RIMS2: variants seen among roughly 807,000 people sequenced by gnomAD.
RIMS2 encodes regulating synaptic membrane exocytosis 2.
Under a neutral mutation model 174.4 loss-of-function variants are expected in RIMS2, and 59 were observed. That is an observed-to-expected ratio of 0.34 (90% CI 0.27 to 0.42). The LOEUF is 0.42. Ranked by LOEUF, RIMS2 falls within the 10% of genes least tolerant of loss-of-function variation. RIMS2 has a pLI of 1.00. For synonymous variants in RIMS2, 606 were observed against 572.5 expected (o/e 1.06, Z -0.84); for missense variants, 1,620 against 1,666.3 (o/e 0.97, Z 0.48).
chr8:104,248,479 C>T (rs972564815), intron 20 of RIMS2, among the ~76,000 whole-genome samples: 4 of 152,152 alleles, frequency 2.6e-5, no homozygotes, highest in Admixed American at 1.3e-4. Flanking sequence ...CCAGCAGAAG[C>T]CTGCAGTGCA....
chr8:103,832,411 G>T (rs2098831352), intron 3 of RIMS2, among the ~76,000 whole-genome samples: 1 of 152,068 alleles, frequency 6.6e-6, no homozygotes, highest in Non-Finnish European at 1.5e-5. Context: ...GTTCAGGGGT[G>T]CATGTGCAGA....
intron 19 of RIMS2, among the ~76,000 whole-genome samples, chr8:104,085,810 A>C (rs2097527483): frequency 1.3e-5 from 2 of 152,136 alleles, no homozygotes; most frequent in Non-Finnish European, 2.9e-5. Context: ...AGGGAACATA[A>C]GAGGTACAAG....
intron 3 of RIMS2, among the ~76,000 whole-genome samples, chr8:103,787,760 C>T (rs1301976733): frequency 6.6e-6 from 1 of 152,146 alleles, no homozygotes; most frequent in Non-Finnish European, 1.5e-5. Context: ...TGGAGTTGCT[C>T]TTCTCAAGGA....
intron 3 of RIMS2, among the ~76,000 whole-genome samples, chr8:103,785,669 A>T (rs7461766): frequency 0.39 from 58,675 of 151,614 alleles, 11,758 homozygotes; most frequent in African/African-American, 0.44. Context: ...GGATTCGTTT[A>T]GCCAGTATTT....
chr8:103,968,932 G>C (rs2092507633), intron 15 of RIMS2, among the ~76,000 whole-genome samples: 1 of 151,962 alleles, frequency 6.6e-6, no homozygotes, highest in African/African-American at 2.4e-5. Context: ...GTTTGTCTGT[G>C]AAAGTCTTTC....
intron 1 of RIMS2, among the ~76,000 whole-genome samples, chr8:103,647,712 A>G (rs1348065247): frequency 6.6e-6 from 1 of 151,828 alleles, no homozygotes; most frequent in Non-Finnish European, 1.5e-5. Context: ...ATGTGCATAG[A>G]GGTGTTTATA....
At chr8:104,062,424 A>T (rs1405600976) in intron 19 of RIMS2, among the ~76,000 whole-genome samples, 5 of 152,212 alleles carry the variant, frequency 3.3e-5, no homozygotes, top group Non-Finnish European at 7.3e-5. Flanking sequence ...TTTTAAAAAA[A>T]TTCATTAAAA....
intron 14 of RIMS2, among the ~76,000 whole-genome samples, chr8:103,959,684 A>G (rs1291089535): frequency 6.6e-6 from 1 of 151,982 alleles, no homozygotes; most frequent in Non-Finnish European, 1.5e-5. Flanking sequence ...TCAGCTTCCC[A>G]GAGTGCTAGG....
intron 1 of RIMS2, among the ~76,000 whole-genome samples, chr8:103,545,661 G>A (rs1383543118): frequency 6.6e-6 from 1 of 152,290 alleles, no homozygotes; most frequent in East Asian, 1.9e-4. Flanking sequence ...AACTCCATCA[G>A]GCTAACAGTG....
intron 3 of RIMS2, chr8:103,819,322 G>C (rs2098736911): frequency 1.4e-6 from 2 of 1,433,094 alleles, no homozygotes; most frequent in African/African-American, 2.9e-5. Flanking sequence ...TTCTACGACT[G>C]AATTAGAAGA....
At chr8:104,029,068 T>C (rs10095456) in intron 19 of RIMS2, among the ~76,000 whole-genome samples, 6,866 of 152,200 alleles carry the variant, frequency 0.045, 458 homozygotes, top group African/African-American at 0.15. Context: ...TTTTAGACCA[T>C]ATAGGGTAAC....
intron 1 of RIMS2, among the ~76,000 whole-genome samples, chr8:103,604,521 T>G (rs1377169148): frequency 6.6e-6 from 1 of 151,954 alleles, no homozygotes; most frequent in Non-Finnish European, 1.5e-5. Flanking sequence ...AGTAGTTTTT[T>G]CCAATTCTGT....
At chr8:103,568,816 G>T in intron 1 of RIMS2, 1 of 1,129,426 alleles carries the variant, frequency 8.9e-7, no homozygotes, top group Non-Finnish European at 1.3e-6. Context: ...GCTATAAGAA[G>T]CTGAGCATAT....
intron 1 of RIMS2, among the ~76,000 whole-genome samples, chr8:103,517,266 A>T (rs975955755): frequency 6.6e-6 from 1 of 152,206 alleles, no homozygotes; most frequent in Non-Finnish European, 1.5e-5. Context: ...GCCTTGCAGG[A>T]AAAAGTATGT....
At chr8:103,688,866 C>A (rs921871055) in intron 1 of RIMS2, among the ~76,000 whole-genome samples, 1 of 149,960 alleles carries the variant, frequency 6.7e-6, no homozygotes. Flanking sequence ...TCTGCTGATA[C>A]GTATTGTTTC....
At chr8:104,179,954 C>G (rs2098930501) in intron 19 of RIMS2, among the ~76,000 whole-genome samples, 1 of 151,678 alleles carries the variant, frequency 6.6e-6, no homozygotes, top group Non-Finnish European at 1.5e-5. Context: ...CAGTATGTAC[C>G]CTCCACATGT....
chr8:103,963,081 T>G (rs1308242335), intron 15 of RIMS2, among the ~76,000 whole-genome samples: 7 of 152,150 alleles, frequency 4.6e-5, no homozygotes, highest in Non-Finnish European at 7.4e-5. Flanking sequence ...TTCCTTACAT[T>G]TCCTCTTTAT....
At chr8:103,609,600 TATTA>T (rs1241388202) in intron 1 of RIMS2, among the ~76,000 whole-genome samples, 4 of 152,208 alleles carry the variant, frequency 2.6e-5, no homozygotes, top group African/African-American at 9.6e-5. Context: ...CAGCACTCTT[TATTA>T]ATTAGGAAGT....
chr8:103,696,563 A>C (rs977095902), intron 1 of RIMS2, among the ~76,000 whole-genome samples: 11 of 152,158 alleles, frequency 7.2e-5, no homozygotes, highest in Non-Finnish European at 1.6e-4. Context: ...TTGGTTATTT[A>C]ATATGTATAT....
Sources: gnomAD v4.1 joint callset for allele counts (sites outside exome capture counted in the v4.1 genomes callset) on GRCh38, gnomAD v4.1.1 for gene constraint, MANE v1.5 for transcripts, NCBI Gene and HGNC (gene_info 2026-07-23, HGNC 2026-07-21) for gene names.